HRNR: variants seen among roughly 807,000 people sequenced by gnomAD.
HRNR encodes the protein hornerin.
HRNR carries 7 observed loss-of-function variants against 4.8 expected under a neutral mutation model. The ratio of observed to expected loss-of-function variants is 1.47; its 90% CI spans 0.83 to 2.75. The LOEUF (loss-of-function observed/expected upper bound fraction) is 2.75, where lower values mean the gene tolerates loss of function less well. Among genes scored for constraint, HRNR ranks in the 30% most tolerant of loss-of-function variants. The pLI is 0.00. For missense variants in HRNR, 2,879 were observed against 3,010.4 expected (o/e 0.96, Z 1.02); for synonymous variants, 1,023 against 1,242.7 (o/e 0.82, Z 3.72).
At position 152,219,416 on chromosome 1, in the gene HRNR, C is replaced by A; in HGVS notation, c.2213G>T (p.Arg738Met). ...TGAGCTAGATCCGTGTTGTTCACTC[C>A]TAGATGACTGTCCTGACCTAGAGCC... Reference protein sequence around the residue: ...KHGSRSGQSSRSEQHGSSSGL... With the variant: ...KHGSRSGQSSMSEQHGSSSGL... The change falls in exon 3 of 3, where the codon AGG becomes ATG. Residue 738 changes from arginine (R) to methionine (M), a missense_variant. Arg to Met is a moderately conservative substitution (Grantham distance 91, BLOSUM62 -1). Around this residue, in one of 8 missense-constraint regions of HRNR, gnomAD observed 2,646 missense variants for 1,377.7 expected, o/e 1.92. Coordinates refer to ENST00000368801, the MANE Select transcript of HRNR (RefSeq NM_001009931.3). 2 of 1,614,124 alleles carry A rather than the reference C, an allele frequency of 1.2e-6. No individual in the cohort carries two copies. Among genetic ancestry groups the A allele is most frequent in the Non-Finnish European group, 1.7e-6 (2 of 1,180,018 alleles).
intron 2 of HRNR, among the ~76,000 whole-genome samples, chr1:152,222,415 T>G (rs1352758108): frequency 6.6e-6 from 1 of 152,000 alleles, no homozygotes; most frequent in Non-Finnish European, 1.5e-5. Context: ...ATGCTGAGAG[T>G]AGAAGTAGTA....
Position 152,218,867 on chromosome 1 carries a change from C to A in HRNR, c.2762G>T (p.Arg921Leu), listed in dbSNP as rs142342392. ...SGSGRSSSSG[R>L]HGSGSGQSSG... ...AGACTGGCCTGAGCCAGACCCATGT[C>A]GGCCACTGCTGGAAGACCGACCGGA... The change falls in exon 3 of 3, where the codon CGA (arginine) becomes CTA (leucine). Residue 921 changes from arginine to leucine, a missense_variant. Coordinates refer to ENST00000368801, the MANE Select transcript of HRNR (RefSeq NM_001009931.3). 4 of 1,605,686 alleles carry A rather than the reference C, an allele frequency of 2.5e-6. No individual in the cohort carries two copies. Among genetic ancestry groups the A allele is most frequent in the Middle Eastern group, 1.7e-4 (1 of 6,018 alleles).
chr1:152,222,015 G>A (rs553881311), intron 2 of HRNR, among the ~76,000 whole-genome samples: 31 of 152,272 alleles, frequency 2.0e-4, no homozygotes, highest in African/African-American at 7.2e-4. Flanking sequence ...ATTGTGGTAA[G>A]GTTTCTACAA....
chr1:152,221,156 C>T lies in HRNR; in HGVS notation c.473G>A (p.Arg158Lys). The T allele has an allele frequency of 1.9e-6, 3 of 1,614,198 alleles. No homozygotes were observed. The South Asian group carries it at 3.3e-5, about 18-fold the overall frequency. ...LKPGTESISR[R>K]LSFQRDFSGQ... ...AGAAAAGTCTCTTTGAAAACTCAGT[C>T]TTCTGGATATGGATTCAGTCCCAGG... Residue 158 changes from arginine (R) to lysine (K), a missense_variant, in exon 3 of 3, where the codon AGA (arginine) becomes AAA (lysine). This residue lies in a region of HRNR where 2,646 missense variants were observed against 1,377.7 expected (regional missense o/e 1.92). Coordinates refer to ENST00000368801, the MANE Select transcript of HRNR (RefSeq NM_001009931.3).
At position 152,219,525 on chromosome 1, in the gene HRNR, C is replaced by G. The variant is rs1176513159; in HGVS notation, c.2104G>C (p.Gly702Arg). Residue 702 changes from glycine to arginine, a missense_variant, in exon 3 of 3, where the codon GGT (glycine) becomes CGT (arginine). Gly to Arg is a moderately radical substitution (Grantham distance 125). Coordinates refer to ENST00000368801, the MANE Select transcript of HRNR (RefSeq NM_001009931.3). ...GACTGCCCTGAGCCAGACTTGTGAC[C>G]AAAGCCGGAAGACTGGCCTGAGACA... ...GSVSGQSSGF[G>R]HKSGSGQSSG... 13 of 1,613,580 alleles carry G rather than the reference C, an allele frequency of 8.1e-6. No individual in the cohort carries two copies. The highest frequency in any genetic ancestry group is 1.7e-5 in the Admixed American group (1 of 59,954).
In HRNR at chr1:152,220,478, G is replaced by T. The variant is rs1648932384; in HGVS notation, c.1151C>A (p.Ala384Glu). Residue 384 changes from alanine (A) to glutamate (E), a missense_variant, in exon 3 of 3, where the codon GCA becomes GAA. This residue lies in a region of HRNR where 2,646 missense variants were observed against 1,377.7 expected (regional missense o/e 1.92). Coordinates refer to ENST00000368801, the MANE Select transcript of HRNR (RefSeq NM_001009931.3). Reference protein sequence around the residue: ...QGQHGSTSGQASSSGQHGSSS... With the variant: ...QGQHGSTSGQESSSGQHGSSS... The stretch of plus-strand genomic sequence containing the variant: ...GGAGCCATGTTGGCCAGAGCTTGAT[G>T]CCTGCCCTGACGTAGATCCATGTTG... 2.5e-6 allele frequency: 4 copies of T among 1,612,152 alleles called. No homozygotes were observed. The South Asian group carries it at 3.3e-5, about 13-fold the overall frequency.
rs199554130 is a variant in HRNR at position 152,218,401 on chromosome 1, A to T, written c.3228T>A (p.His1076Gln). The T allele has an allele frequency of 1.9e-5, 30 of 1,612,360 alleles. No individual in the cohort carries two copies. Among genetic ancestry groups the T allele is most frequent in the Non-Finnish European group, 2.5e-5 (30 of 1,179,878 alleles). The change falls in exon 3 of 3, where the codon CAT (histidine) becomes CAA (glutamine). Residue 1076 changes from histidine (H) to glutamine (Q), a missense_variant. This residue lies in a region of HRNR where 2,646 missense variants were observed against 1,377.7 expected (regional missense o/e 1.92). Transcript: ENST00000368801. The stretch of plus-strand genomic sequence containing the variant: ...GTCCTGATGTAGAACCGTGTTGCCC[A>T]TGGGTAGAGGAATGACCTGAGCTAG... ...HGSSSGHSSTHGQHGSTSGQS... is the reference protein window; with the variant it reads ...HGSSSGHSSTQGQHGSTSGQS...
rs755343383 is a variant in HRNR at position 152,220,014 on chromosome 1, G to C, written c.1615C>G (p.Gln539Glu). Residue 539 changes from glutamine to glutamate, a missense_variant, in exon 3 of 3, where the codon CAG becomes GAG. Transcript: ENST00000368801. ...GHSRHGSGSG[Q>E]SPSPSRGRHE... Reference sequence around the variant, plus strand: ...CGGCCACGGCTAGGGCTAGGAGACTGGCCAGATCCAGACCCATGTCGGCTG... The same window carrying C: ...CGGCCACGGCTAGGGCTAGGAGACTCGCCAGATCCAGACCCATGTCGGCTG... The C allele has an allele frequency of 1.6e-5, 26 of 1,613,922 alleles. No individual in the cohort carries two copies. The highest frequency in any genetic ancestry group is 2.2e-5 in the South Asian group (2 of 91,080).
chr1:152,213,088 G>C lies in HRNR; in HGVS notation c.8541C>G (p.Tyr2847Ter). Reference protein sequence around the residue: ...PYEYVQEQRCYFYQ With the variant: ...PYEYVQEQRC ...TTATGTTTATTATTCACTGATAAAA[G>C]TAGCACCTCTGCTCTTGGACATATT... Residue 2847 changes from tyrosine (Y) to a stop codon, truncating the protein, a stop_gained, in exon 3 of 3, where the codon TAC (tyrosine) becomes TAG (stop). Coordinates refer to ENST00000368801, the MANE Select transcript of HRNR (RefSeq NM_001009931.3). LOFTEE classifies it high-confidence loss of function. The C allele has an allele frequency of 6.2e-7, 1 of 1,612,518 alleles. No individual in the cohort carries two copies. The highest frequency in any genetic ancestry group is 8.5e-7 in the Non-Finnish European group (1 of 1,179,266).
rs1356062509 is a variant in HRNR, at chr1:152,219,010, G to A, written c.2619C>T (p.Ala873=). 6.2e-7 allele frequency: 1 copy of A among 1,613,964 alleles called. No homozygotes were observed. The highest frequency in any genetic ancestry group is 8.5e-7 in the Non-Finnish European group (1 of 1,179,994). Reference sequence around the variant, plus strand: ...GGCCGCGGCCCGAAGCGTGATGGGAGGCAGACTCATGCTGACCATAGCTGG... The same window carrying A: ...GGCCGCGGCCCGAAGCGTGATGGGAAGCAGACTCATGCTGACCATAGCTGG... ...QSSSYGQHES[A]SHHASGRGRH... The change falls in exon 3 of 3, where the codon GCC becomes GCT. Residue 873 remains alanine (A), a synonymous_variant. Transcript: ENST00000368801.
rs142507300 is a variant in HRNR at position 152,219,577 on chromosome 1, C to G, written c.2052G>C (p.Trp684Cys). Reference protein sequence around the residue: ...SYGQHGSGSGWSSSNGPHGSV... With the variant: ...SYGQHGSGSGCSSSNGPHGSV... Reference sequence around the variant, plus strand: ...ACCCATGTGGGCCATTGCTTGAAGACCAACCGGAGCCAGACCCATGTTGGC... The same window carrying G: ...ACCCATGTGGGCCATTGCTTGAAGAGCAACCGGAGCCAGACCCATGTTGGC... Residue 684 changes from tryptophan to cysteine, a missense_variant, in exon 3 of 3, where the codon TGG becomes TGC. By Grantham distance (215) the Trp-to-Cys change is radical (BLOSUM62 -2). This residue lies in a region of HRNR where 2,646 missense variants were observed against 1,377.7 expected (regional missense o/e 1.92). Coordinates refer to ENST00000368801, the MANE Select transcript of HRNR (RefSeq NM_001009931.3). 4 of 1,609,502 alleles carry G rather than the reference C, an allele frequency of 2.5e-6. No individual in the cohort carries two copies. The highest frequency in any genetic ancestry group is 2.7e-5 in the African/African-American group (2 of 73,350).
chr1:152,220,693 A>G lies in HRNR; in HGVS notation c.936T>C (p.His312=). ...GSRQSPSHVR[H]GSGSGHSSSH... ...TGGAGGAGTGCCCCGAACCGGACCC[A>G]TGTCGGACGTGGCTAGGAGACTGGC... The change falls in exon 3 of 3, where the codon CAT becomes CAC. Residue 312 remains histidine (H), a synonymous_variant. Coordinates refer to ENST00000368801, the MANE Select transcript of HRNR (RefSeq NM_001009931.3). The G allele has an allele frequency of 6.2e-7, 1 of 1,613,108 alleles. No individual in the cohort carries two copies. Among genetic ancestry groups the G allele is most frequent in the Non-Finnish European group, 8.5e-7 (1 of 1,179,470 alleles).
chr1:152,219,364 A>C lies in HRNR; in HGVS notation c.2265T>G (p.His755Gln). ...SSGLSSSYGQ[H>Q]GSGSHQSSGH... ...CCGAAGATTGATGGGAGCCCGACCC[A>C]TGCTGACCATAGCTGGAAGACAAAC... The change falls in exon 3 of 3, where the codon CAT becomes CAG. Residue 755 changes from histidine to glutamine, a missense_variant. By Grantham distance (24) the His-to-Gln change is conservative. Transcript: ENST00000368801. The C allele has an allele frequency of 6.2e-7, 1 of 1,614,004 alleles. No homozygotes were observed. Among genetic ancestry groups the C allele is most frequent in the South Asian group, 1.1e-5 (1 of 91,074 alleles).
At position 152,220,286 on chromosome 1, in the gene HRNR, C is replaced by T. The variant is rs765009680; in HGVS notation, c.1343G>A (p.Arg448Gln). Residue 448 changes from arginine (R) to glutamine (Q), a missense_variant, in exon 3 of 3, where the codon CGA becomes CAA. Physicochemically the swap from Arg to Gln is conservative, Grantham distance 43. Around this residue, in one of 8 missense-constraint regions of HRNR, gnomAD observed 2,646 missense variants for 1,377.7 expected, o/e 1.92. Transcript: ENST00000368801. Reference protein sequence around the residue: ...SSGQHGTGFGRSSSSGPYVSG... With the variant: ...SSGQHGTGFGQSSSSGPYVSG... ...CACATATGGGCCACTGCTGGAAGAT[C>T]GACCAAAGCCAGTCCCATGTTGGCC... 33 of 1,613,692 alleles carry T rather than the reference C, an allele frequency of 2.0e-5. No individual in the cohort carries two copies. The South Asian group carries it at 2.2e-4, about 11-fold the overall frequency.
At position 152,218,535 on chromosome 1, in the gene HRNR, C is replaced by G. The variant is rs777820598; in HGVS notation, c.3094G>C (p.Gly1032Arg). The change falls in exon 3 of 3, where the codon GGG (glycine) becomes CGG (arginine). Residue 1032 changes from glycine to arginine, a missense_variant. Coordinates refer to ENST00000368801, the MANE Select transcript of HRNR (RefSeq NM_001009931.3). ...TATGGGCCACGGCTTGAAGACCACC[C>G]TGAGCCAGACCTATATGGGCCATAG... is the stretch of plus-strand genomic sequence containing the variant. ...SSYGPYRSGS[G>R]WSSSRGPYES... The G allele has an allele frequency of 2.6e-5, 42 of 1,613,802 alleles. No individual in the cohort carries two copies. Among genetic ancestry groups the G allele is most frequent in the Middle Eastern group, 1.6e-4 (1 of 6,084 alleles).
rs1215862674 is a variant in HRNR, at chr1:152,223,240, A to G, written c.14T>C (p.Leu5Pro). MPKL[L>P]QGVITVIDVF... is the part of the protein sequence containing the mutation. Reference sequence around the variant, plus strand: ...ATCGATGACAGTGATGACGCCTTGTAGGAGTTTAGGCATTTTTTTTTTTGC... The same window carrying G: ...ATCGATGACAGTGATGACGCCTTGTGGGAGTTTAGGCATTTTTTTTTTTGC... Residue 5 changes from leucine (L) to proline (P), a missense_variant, in exon 2 of 3, where the codon CTA becomes CCA. Transcript: ENST00000368801. 1 of 1,530,918 alleles carries G rather than the reference A, an allele frequency of 6.5e-7. No individual in the cohort carries two copies. The highest frequency in any genetic ancestry group is 8.7e-7 in the Non-Finnish European group (1 of 1,143,220). The allele number at this position is 1,530,918 out of a possible 1,614,324, so 94.8% of individuals were successfully genotyped here.
rs749866381 is a variant in HRNR, at chr1:152,220,785, T to G, written c.844A>C (p.Ser282Arg). Residue 282 changes from serine (S) to arginine (R), a missense_variant, in exon 3 of 3, where the codon AGC becomes CGC. By Grantham distance (110) the Ser-to-Arg change is moderately radical (BLOSUM62 -1). Coordinates refer to ENST00000368801, the MANE Select transcript of HRNR (RefSeq NM_001009931.3). ...GAACCAGACCCATGCTGACCATAGC[T>G]GGAAGACGAACCTGAGCTAGATCTG... Reference protein sequence around the residue: ...RHRSSSGSSSSYGQHGSGSRQ... With the variant: ...RHRSSSGSSSRYGQHGSGSRQ... 2.5e-6 allele frequency: 4 copies of G among 1,614,112 alleles called. No homozygotes were observed. The highest frequency in any genetic ancestry group is 1.7e-5 in the Admixed American group (1 of 60,020).
rs1330309832 is a variant in HRNR, at chr1:152,219,497, G to T, written c.2132C>A (p.Ser711Tyr). The part of the protein sequence containing the change: ...FGHKSGSGQS[S>Y]GYSQHGSGSS... ...GCCAGATCCATGCTGACTGTAACCAGAGGACTGCCCTGAGCCAGACTTGTG... is the reference window on the plus strand; with the variant it reads ...GCCAGATCCATGCTGACTGTAACCATAGGACTGCCCTGAGCCAGACTTGTG... The change falls in exon 3 of 3, where the codon TCT (serine) becomes TAT (tyrosine). Residue 711 changes from serine (S) to tyrosine (Y), a missense_variant. By Grantham distance (144) the Ser-to-Tyr change is moderately radical. Transcript: ENST00000368801. The T allele has an allele frequency of 6.2e-7, 1 of 1,613,858 alleles. No homozygotes were observed. Among genetic ancestry groups the T allele is most frequent in the Admixed American group, 1.7e-5 (1 of 60,002 alleles).
At position 152,221,110 on chromosome 1, in the gene HRNR, T is replaced by C. The variant is rs1468715145; in HGVS notation, c.519A>G (p.Ser173=). 1 of 1,614,206 alleles carries C rather than the reference T, an allele frequency of 6.2e-7. No individual in the cohort carries two copies. The highest frequency in any genetic ancestry group is 2.2e-5 in the East Asian group (1 of 44,878). ...RDFSGQHNSY[S]GQSSSYGEQN... ...GCTCACCATAGCTGGAAGACTGACC[T>C]GAGTAGGAGTTATGTTGGCCAGAAA... The change falls in exon 3 of 3, where the codon TCA becomes TCG. Residue 173 remains serine (S), a synonymous_variant. Coordinates refer to ENST00000368801, the MANE Select transcript of HRNR (RefSeq NM_001009931.3).
Sources: allele counts gnomAD v4.1 joint callset (sites outside exome capture counted in the v4.1 genomes callset), GRCh38; gene constraint gnomAD v4.1.1; regional missense constraint gnomAD v4.1.1; transcripts MANE v1.5; gene names NCBI Gene and HGNC (gene_info 2026-07-23, HGNC 2026-07-21).